Variants in KCNJ6 observed in about 807,000 individuals in gnomAD.
KCNJ6 encodes G protein-activated inward rectifier potassium channel 2.
KCNJ6 carries 9 observed loss-of-function variants against 34.2 expected under a neutral mutation model. The ratio of observed to expected loss-of-function variants is 0.26; its 90% CI spans 0.16 to 0.46. The LOEUF is 0.46. Among genes scored for constraint, KCNJ6 ranks in the 20% least tolerant of loss-of-function variants. The probability of loss-of-function intolerance (pLI) is 1.00; values close to 1 mark genes in which losing one functional copy is unlikely to be tolerated. For synonymous variants in KCNJ6, 196 were observed against 207.1 expected, an observed-to-expected ratio of 0.95 and a Z score of 0.46; for missense variants, 236 against 531.3, an observed-to-expected ratio of 0.44 and a Z score of 5.46.
chr21:37,658,583 G>A (rs1348979318), intron 3 of KCNJ6, among the ~76,000 whole-genome samples: 1 of 152,116 alleles, frequency 6.6e-6, no homozygotes. Context: ...TGGCTTGTCT[G>A]CAGAATAGAT....
At chr21:37,869,846 G>C (rs1034290864) in intron 1 of KCNJ6, among the ~76,000 whole-genome samples, 1 of 152,204 alleles carries the variant, frequency 6.6e-6, no homozygotes, top group Non-Finnish European at 1.5e-5. Flanking sequence ...GGTCCCTTTA[G>C]CAGATGCTAA....
chr21:37,912,508 G>A (rs566776356), intron 1 of KCNJ6, among the ~76,000 whole-genome samples: 8 of 152,118 alleles, frequency 5.3e-5, no homozygotes, highest in African/African-American at 1.4e-4. Context: ...CTATATTCTC[G>A]TATAGCTTCA....
intron 3 of KCNJ6, among the ~76,000 whole-genome samples, chr21:37,647,166 A>G (rs899611254): frequency 2.0e-5 from 3 of 152,164 alleles, no homozygotes; most frequent in African/African-American, 7.2e-5. Flanking sequence ...TCTTCATGAC[A>G]TCACTTATTA....
chr21:37,898,249 G>A (rs2055799076), intron 1 of KCNJ6, among the ~76,000 whole-genome samples: 1 of 152,202 alleles, frequency 6.6e-6, no homozygotes, highest in Admixed American at 6.5e-5. Context: ...ACCGGTCATG[G>A]AAAGTTCTAT....
At chr21:37,804,967 G>A (rs1385558839) in intron 2 of KCNJ6, among the ~76,000 whole-genome samples, 1 of 152,138 alleles carries the variant, frequency 6.6e-6, no homozygotes, top group Non-Finnish European at 1.5e-5. Context: ...AAAAAGGAAT[G>A]AACATGGATG....
intron 2 of KCNJ6, among the ~76,000 whole-genome samples, chr21:37,741,585 G>A (rs2054941511): frequency 6.6e-6 from 1 of 152,078 alleles, no homozygotes; most frequent in Non-Finnish European, 1.5e-5. Context: ...TTCCTTCTTG[G>A]TGACTAGCCT....
At position 37,778,696 on chromosome 21, in the gene KCNJ6, C is replaced by CGTGTGTGTGTGTGTGTGT. The variant is rs61218477; in HGVS notation, c.25+61944_25+61961dup. Among the ~76,000 whole-genome samples the CGTGTGTGTGTGTGTGTGT allele has an allele frequency of 1.2e-3, 169 of 146,266 alleles. 1 individual carries two copies. In the South Asian group the frequency reaches 0.014, roughly 12 times the overall value. ...ATTGTGTGTATCCGTGTGCTGTGTG[C>CGTGTGTGTGTGTGTGTGT]GTGTGTGTGTGTGTGTGTGTGTGTG... On this transcript the variant is annotated intron_variant, in intron 2 of 3. Coordinates refer to ENST00000609713, the MANE Select transcript of KCNJ6 (RefSeq NM_002240.5).
chr21:37,895,018 T>C (rs2055781047), intron 1 of KCNJ6, among the ~76,000 whole-genome samples: 1 of 152,196 alleles, frequency 6.6e-6, no homozygotes, highest in South Asian at 2.1e-4. Context: ...AATGATCCTC[T>C]GGCTTCAGCC....
At chr21:37,749,787 G>C (rs2054985703) in intron 2 of KCNJ6, among the ~76,000 whole-genome samples, 1 of 152,158 alleles carries the variant, frequency 6.6e-6, no homozygotes, top group African/African-American at 2.4e-5. Flanking sequence ...TTAACACAGG[G>C]ACATAATCTA....
At chr21:37,753,324 G>C (rs547627286) in intron 2 of KCNJ6, among the ~76,000 whole-genome samples, 3 of 152,158 alleles carry the variant, frequency 2.0e-5, no homozygotes, top group Non-Finnish European at 2.9e-5. Context: ...ACGTCCCCTA[G>C]TGCCCTGGGA....
At chr21:37,817,955 ATATTGGC>A (rs1286345043) in intron 2 of KCNJ6, among the ~76,000 whole-genome samples, 2 of 152,186 alleles carry the variant, frequency 1.3e-5, no homozygotes, top group African/African-American at 4.8e-5. Flanking sequence ...GACAAACTGG[ATATTGGC>A]CTTGGGTAGT....
At chr21:37,796,653 A>ACTTC (rs1568851787) in intron 2 of KCNJ6, among the ~76,000 whole-genome samples, 8 of 152,154 alleles carry the variant, frequency 5.3e-5, no homozygotes, top group Non-Finnish European at 8.8e-5. Context: ...CTCCTGGAAG[A>ACTTC]CCAACTTCCC....
intron 2 of KCNJ6, among the ~76,000 whole-genome samples, chr21:37,783,643 A>C (rs1257471966): frequency 6.6e-6 from 1 of 152,180 alleles, no homozygotes; most frequent in Non-Finnish European, 1.5e-5. Flanking sequence ...GGAATTCTGT[A>C]ATCTCTTGTT....
At position 37,607,482 on chromosome 21, in the gene KCNJ6, A is replaced by ATATATATATATATATATATATTTT; in HGVS notation, c.*17676_*17677insAAAATATATATATATATATATATA. 16 of 136,754 alleles carry ATATATATATATATATATATATTTT rather than the reference A, an allele frequency of 1.2e-4. No individual in the cohort carries two copies. The highest frequency in any genetic ancestry group is 1.1e-3 in the East Asian group (5 of 4,376). 8.5% of individuals were successfully genotyped at this position (136,754 alleles called of 1,614,324 possible). ...CTTAAAGATATATATATATATATAT[A>ATATATATATATATATATATATTTT]TTTTTTTTTTATTTTAAAAAAATTT... On this transcript the variant is annotated 3_prime_UTR_variant, in exon 4 of 4. Coordinates refer to ENST00000609713, the MANE Select transcript of KCNJ6 (RefSeq NM_002240.5).
chr21:37,824,143 T>TGAG (rs370969438), intron 2 of KCNJ6, among the ~76,000 whole-genome samples: 16 of 152,300 alleles, frequency 1.1e-4, no homozygotes, highest in African/African-American at 3.6e-4. Flanking sequence ...GGAAAGTTCT[T>TGAG]GACACAAAAA....
chr21:37,761,453 GTTGT>G (rs2055062910), intron 2 of KCNJ6, among the ~76,000 whole-genome samples: 1 of 149,652 alleles, frequency 6.7e-6, no homozygotes, highest in South Asian at 2.1e-4. Context: ...ATTTGTGTGT[GTTGT>G]GTGTATGTAG....
chr21:37,769,188 TC>T (rs1227502494), intron 2 of KCNJ6, among the ~76,000 whole-genome samples: 3 of 152,138 alleles, frequency 2.0e-5, no homozygotes, highest in Non-Finnish European at 2.9e-5. Context: ...GCAGGCAATT[TC>T]CCCTAAGAGC....
At chr21:37,761,663 T>TTC in intron 2 of KCNJ6, among the ~76,000 whole-genome samples, 1 of 150,878 alleles carries the variant, frequency 6.6e-6, no homozygotes, top group Middle Eastern at 3.5e-3. Context: ...TTGTGTGTTG[T>TTC]ATGTAGTTTG....
At chr21:37,665,713 A>T (rs890139300) in intron 3 of KCNJ6, among the ~76,000 whole-genome samples, 1 of 152,238 alleles carries the variant, frequency 6.6e-6, no homozygotes, top group Non-Finnish European at 1.5e-5. Context: ...CGCTGACATC[A>T]TTCATCCCTC....
Sources: allele counts gnomAD v4.1 joint callset (sites outside exome capture counted in the v4.1 genomes callset), GRCh38; gene constraint gnomAD v4.1.1; transcripts MANE v1.5; gene names NCBI Gene and HGNC (gene_info 2026-07-23, HGNC 2026-07-21).